Variants in HPSE2 observed in about 807,000 individuals in gnomAD.
HPSE2 encodes the protein inactive heparanase-2.
In HPSE2, 38 loss-of-function variants were observed where a neutral mutation model predicts 60.5. The ratio of observed to expected loss-of-function variants is 0.63; its 90% CI spans 0.48 to 0.82. The LOEUF is 0.82. Among genes scored for constraint, HPSE2 ranks in the 40% least tolerant of loss-of-function variants. The pLI is 0.00. For missense variants in HPSE2, 713 were observed against 740.4 expected (o/e 0.96, Z 0.43); for synonymous variants, 295 against 293.2 (o/e 1.01, Z -0.06).
At chr10:99,153,098 C>CCTA (rs1846350687) in intron 2 of HPSE2, among the ~76,000 whole-genome samples, 1 of 152,182 alleles carries the variant, frequency 6.6e-6, no homozygotes, top group Admixed American at 6.5e-5. Context: ...CTCGGAGGGT[C>CCTA]CTACGCCCAC....
At chr10:98,743,785 C>A (rs776194195) in intron 4 of HPSE2, 98 bp downstream of exon 4, 6 of 1,124,928 alleles carry the variant, frequency 5.3e-6, no homozygotes, top group Non-Finnish European at 8.1e-6. Flanking sequence ...GTTTTCTGGG[C>A]CAGGGTACTA....
intron 9 of HPSE2, among the ~76,000 whole-genome samples, chr10:98,540,338 T>G (rs1943419512): frequency 6.6e-6 from 1 of 152,220 alleles, no homozygotes; most frequent in Admixed American, 6.5e-5. Context: ...TTTGTGTGAA[T>G]TTTGAGCAAG....
intron 3 of HPSE2, among the ~76,000 whole-genome samples, chr10:98,939,210 G>A (rs1171841629): frequency 7.0e-6 from 1 of 143,664 alleles, no homozygotes; most frequent in Non-Finnish European, 1.5e-5. Flanking sequence ...ACATCATAAT[G>A]ACAGGATAAA....
At chr10:98,675,577 C>A (rs1191701744) in intron 6 of HPSE2, among the ~76,000 whole-genome samples, 4 of 150,486 alleles carry the variant, frequency 2.7e-5, no homozygotes, top group African/African-American at 4.9e-5. Flanking sequence ...CACACACACA[C>A]AATAACCAGC....
chr10:98,618,047 C>A (rs975015236), intron 8 of HPSE2, among the ~76,000 whole-genome samples: 1 of 152,136 alleles, frequency 6.6e-6, no homozygotes, highest in Non-Finnish European at 1.5e-5. Flanking sequence ...CCCCTACTCC[C>A]CCCCGCCACG....
chr10:98,569,530 T>C (rs1944439443), intron 9 of HPSE2, among the ~76,000 whole-genome samples: 1 of 152,158 alleles, frequency 6.6e-6, no homozygotes, highest in Non-Finnish European at 1.5e-5. Flanking sequence ...ATACCACCTC[T>C]ATCCCTCCAA....
intron 3 of HPSE2, among the ~76,000 whole-genome samples, chr10:98,912,242 A>G (rs1031591948): frequency 3.9e-5 from 6 of 152,210 alleles, no homozygotes; most frequent in African/African-American, 1.4e-4. Context: ...TTTAATACCA[A>G]CACACTGAAT....
chr10:99,280,287 G>C, the HPSE2 span, among the ~76,000 whole-genome samples: 5 of 152,218 alleles, frequency 3.3e-5, no homozygotes, highest in Admixed American at 2.6e-4. Flanking sequence ...GAAGGATTCA[G>C]TATGGGTAAT....
At chr10:98,830,178 G>A (rs1247655454) in intron 3 of HPSE2, among the ~76,000 whole-genome samples, 1 of 152,184 alleles carries the variant, frequency 6.6e-6, no homozygotes, top group Non-Finnish European at 1.5e-5. Flanking sequence ...TATGTTCCAA[G>A]CACTACGGAA....
chr10:99,275,264 A>G, the HPSE2 span, among the ~76,000 whole-genome samples: 5 of 152,230 alleles, frequency 3.3e-5, no homozygotes, highest in African/African-American at 1.2e-4. Flanking sequence ...TGAAATCTTT[A>G]AAGTTTATTT....
intron 3 of HPSE2, among the ~76,000 whole-genome samples, chr10:99,001,336 C>A (rs1462737033): frequency 1.3e-5 from 2 of 152,046 alleles, no homozygotes; most frequent in South Asian, 2.1e-4. Context: ...ATTCCTGGAA[C>A]CTTTGGTTCT....
At chr10:99,035,261 T>C (rs963401336) in intron 3 of HPSE2, among the ~76,000 whole-genome samples, 2 of 152,164 alleles carry the variant, frequency 1.3e-5, no homozygotes, top group Admixed American at 6.5e-5. Flanking sequence ...CTATAAACGT[T>C]TTTCTATTAA....
intron 3 of HPSE2, among the ~76,000 whole-genome samples, chr10:99,132,191 A>AAGAAAGAGAGAGAGAGAGAGAG (rs1845434293): frequency 1.4e-5 from 1 of 71,874 alleles, no homozygotes; most frequent in African/African-American, 6.4e-5. Flanking sequence ...GAAAGAAAGA[A>AAGAAAGAGAGAGAGAGAGAGAG]AGAGAGAGAG....
At chr10:99,268,529 C>A in the HPSE2 span, among the ~76,000 whole-genome samples, 35 of 151,188 alleles carry the variant, frequency 2.3e-4, 1 homozygote, top group South Asian at 7.3e-3. Flanking sequence ...ACCTATAATC[C>A]CAGCTACCTG....
At chr10:99,192,420 G>A (rs185319028) in intron 2 of HPSE2, among the ~76,000 whole-genome samples, 16 of 152,240 alleles carry the variant, frequency 1.1e-4, no homozygotes, top group African/African-American at 3.1e-4. Flanking sequence ...AGTGGAAATC[G>A]TATGGGCCAG....
At chr10:99,132,146 G>GAAGAAAGAAAGAAAGAAAGAAAGA (rs1199987336) in intron 3 of HPSE2, among the ~76,000 whole-genome samples, 9 of 28,540 alleles carry the variant, frequency 3.2e-4, no homozygotes, top group South Asian at 1.9e-3. Context: ...AGAAAGAAAG[G>GAAGAAAGAAAGAAAGAAAGAAAGA]AAGAAAGAAA....
intron 3 of HPSE2, among the ~76,000 whole-genome samples, chr10:98,769,032 G>A (rs1397251699): frequency 6.6e-6 from 1 of 152,156 alleles, no homozygotes; most frequent in Non-Finnish European, 1.5e-5. Flanking sequence ...GCATGACAGA[G>A]CAAGACTCCA....
At chr10:98,849,932 C>T (rs1488985275) in intron 3 of HPSE2, among the ~76,000 whole-genome samples, 2 of 152,004 alleles carry the variant, frequency 1.3e-5, no homozygotes, top group South Asian at 2.1e-4. Flanking sequence ...TTAGTAGAGA[C>T]GGGGTTTCTC....
chr10:99,258,114 C>G, the HPSE2 span, among the ~76,000 whole-genome samples: 1 of 151,350 alleles, frequency 6.6e-6, no homozygotes, highest in African/African-American at 2.4e-5. Context: ...GCACTCCAGC[C>G]TGGTGACTGG....
Sources: allele counts gnomAD v4.1 joint callset (sites outside exome capture counted in the v4.1 genomes callset), GRCh38; gene constraint gnomAD v4.1.1; transcripts MANE v1.5; gene names NCBI Gene and HGNC (gene_info 2026-07-23, HGNC 2026-07-21).